The following RGS6 variants were observed in gnomAD, a reference collection of about 807,000 sequenced individuals.
The protein encoded by RGS6 is regulator of G protein signaling 6.
A neutral mutation model predicts 78.5 loss-of-function variants in RGS6; 30 were observed. The ratio of observed to expected loss-of-function variants is 0.38; its 90% CI spans 0.29 to 0.52. The LOEUF is 0.52. Ranked by LOEUF, RGS6 falls within the 20% of genes least tolerant of loss-of-function variation. The pLI, the probability that RGS6 is intolerant of heterozygous loss-of-function variation, is 0.85. For synonymous variants in RGS6, 206 were observed against 206.0 expected (o/e 1.00, Z 0.00); for missense variants, 495 against 609.7 (o/e 0.81, Z 1.98).
rs571712187 is a variant in RGS6, at chr14:72,398,989, G to A, written c.184+46795G>A. Among the ~76,000 whole-genome samples the A allele has an allele frequency of 2.9e-3, 441 of 151,952 alleles. 6 individuals carry two copies. Among genetic ancestry groups the A allele is most frequent in the African/African-American group, 9.8e-3 (407 of 41,354 alleles). On this transcript the variant is annotated intron_variant, in intron 3 of 17. Transcript: ENST00000553525. ...ACTTCCAACTATGTGGTCAATTTTG[G>A]AATAGGTGTGGTGTGGTGCTGAAAA...
At chr14:72,373,612 G>A (rs1299604219) in intron 3 of RGS6, among the ~76,000 whole-genome samples, 1 of 152,196 alleles carries the variant, frequency 6.6e-6, no homozygotes, top group East Asian at 1.9e-4. Flanking sequence ...CTCCTGAAGA[G>A]CAATACGATT....
At chr14:72,036,604 T>A (rs1246340825) in intron 2 of RGS6, among the ~76,000 whole-genome samples, 1 of 152,178 alleles carries the variant, frequency 6.6e-6, no homozygotes, top group African/African-American at 2.4e-5. Context: ...TGTGCTTATT[T>A]GCCGACCCTA....
chr14:72,477,194 G>A (rs531837750), intron 11 of RGS6: 33 of 202,118 alleles, frequency 1.6e-4, no homozygotes, highest in African/African-American at 7.5e-4. Flanking sequence ...AGCTCAGGAT[G>A]GTCTACTTTA....
chr14:72,585,295 C>T, the RGS6 span, among the ~76,000 whole-genome samples: 1 of 152,192 alleles, frequency 6.6e-6, no homozygotes, highest in Non-Finnish European at 1.5e-5. Flanking sequence ...CAGTGAATGA[C>T]AACACCATCT....
intron 15 of RGS6, among the ~76,000 whole-genome samples, chr14:72,533,281 ATACTT>A (rs1797165820): frequency 6.6e-6 from 1 of 152,228 alleles, no homozygotes; most frequent in African/African-American, 2.4e-5. Flanking sequence ...GGTTTACTGA[ATACTT>A]TAAGGCCACT....
intron 1 of RGS6, among the ~76,000 whole-genome samples, chr14:71,937,733 G>A (rs943974272): frequency 1.3e-5 from 2 of 152,232 alleles, no homozygotes; most frequent in Admixed American, 6.5e-5. Flanking sequence ...TCCACAGATG[G>A]TAGTCTTGGC....
chr14:72,469,773 G>T, intron 7 of RGS6: 1 of 403,778 alleles, frequency 2.5e-6, no homozygotes, highest in Non-Finnish European at 4.4e-6. Context: ...GAGGAATCAG[G>T]TGAACCATAG....
At chr14:72,252,618 C>T (rs773204136) in intron 2 of RGS6, among the ~76,000 whole-genome samples, 2 of 152,098 alleles carry the variant, frequency 1.3e-5, no homozygotes, top group Non-Finnish European at 2.9e-5. Context: ...CTCAAAATTA[C>T]CTCTAGAAAT....
chr14:72,271,413 A>G (rs1318609686), intron 2 of RGS6, among the ~76,000 whole-genome samples: 1 of 152,064 alleles, frequency 6.6e-6, no homozygotes, highest in Non-Finnish European at 1.5e-5. Flanking sequence ...CACCCCCATG[A>G]TTAACTTACC....
At chr14:72,191,154 A>T (rs1385527489) in intron 2 of RGS6, among the ~76,000 whole-genome samples, 1 of 152,212 alleles carries the variant, frequency 6.6e-6, no homozygotes, top group Non-Finnish European at 1.5e-5. Flanking sequence ...GCTTCCCAAG[A>T]GTGTTAGAAT....
At position 72,495,269 on chromosome 14, in the gene RGS6, A is replaced by T. The variant is rs1416790085; in HGVS notation, c.965+7A>T. 6.3e-7 allele frequency: 1 copy of T among 1,582,390 alleles called. No individual in the cohort carries two copies. Among genetic ancestry groups the T allele is most frequent in the South Asian group, 1.1e-5 (1 of 90,386 alleles). ...TGTGGGACATAGAGATGAGGTAAAA[A>T]ATGTTTTAAGGTTTGGGAGTGGGAT... On this transcript the variant is annotated splice_region_variant and intron_variant, in intron 13 of 17. Coordinates refer to ENST00000553525, the MANE Select transcript of RGS6 (RefSeq NM_001204424.2).
chr14:72,232,642 G>A (rs1437082698), intron 2 of RGS6, among the ~76,000 whole-genome samples: 9 of 152,178 alleles, frequency 5.9e-5, no homozygotes, highest in Admixed American at 3.9e-4. Context: ...CAATGGAGAG[G>A]CGGATCTGGC....
At chr14:71,896,244 A>G in the RGS6 span, among the ~76,000 whole-genome samples, 1 of 152,120 alleles carries the variant, frequency 6.6e-6, no homozygotes, top group South Asian at 2.1e-4. Flanking sequence ...AAAGGAATAA[A>G]AGAATGGCTA....
chr14:72,483,978 A>AT (rs1048415405), intron 12 of RGS6, among the ~76,000 whole-genome samples: 1 of 151,702 alleles, frequency 6.6e-6, no homozygotes, highest in Non-Finnish European at 1.5e-5. Flanking sequence ...GAAAAAAAAA[A>AT]AGCTAGATTA....
chr14:72,563,291 C>G lies in RGS6; in HGVS notation c.*824C>G, dbSNP rs1405773315. 4 of 158,586 alleles carry G rather than the reference C, an allele frequency of 2.5e-5. No individual in the cohort carries two copies. The highest frequency in any genetic ancestry group is 5.6e-5 in the Non-Finnish European group (4 of 71,472). 9.8% of individuals were successfully genotyped at this position (158,586 alleles called of 1,614,324 possible). On this transcript the variant is annotated 3_prime_UTR_variant, in exon 18 of 18. Transcript: ENST00000553525. ...AATTTATTCTGGCTTTGCCCCCTTGCTCCTTGGTTTATTCCCTCATGTTTT... is the reference window on the plus strand; with the variant it reads ...AATTTATTCTGGCTTTGCCCCCTTGGTCCTTGGTTTATTCCCTCATGTTTT...
intron 2 of RGS6, among the ~76,000 whole-genome samples, chr14:72,234,321 T>G (rs2050424834): frequency 1.3e-5 from 2 of 151,410 alleles, no homozygotes; most frequent in Non-Finnish European, 2.9e-5. Context: ...TAACCAGAGG[T>G]GAATGAAGAC....
At chr14:72,025,779 C>A (rs892795473) in intron 2 of RGS6, among the ~76,000 whole-genome samples, 45 of 152,096 alleles carry the variant, frequency 3.0e-4, no homozygotes, top group African/African-American at 9.6e-4. Context: ...ATCATTCTTC[C>A]CCCTTTCTTT....
At chr14:71,952,836 C>T (rs544989835) in intron 1 of RGS6, among the ~76,000 whole-genome samples, 10 of 151,662 alleles carry the variant, frequency 6.6e-5, no homozygotes, top group African/African-American at 2.4e-4. Flanking sequence ...AGAAAGAAAA[C>T]AATGAAATCC....
intron 13 of RGS6, among the ~76,000 whole-genome samples, chr14:72,506,984 TAAAAAAAAAA>T (rs71109738): frequency 0.015 from 791 of 54,318 alleles, 9 homozygotes; most frequent in Non-Finnish European, 0.018. Context: ...CTGTCTCTAC[TAAAAAAAAAA>T]AAAAAAAAAA....
Sources: gnomAD v4.1 joint callset for allele counts (sites outside exome capture counted in the v4.1 genomes callset) on GRCh38, gnomAD v4.1.1 for gene constraint, MANE v1.5 for transcripts, NCBI Gene and HGNC (gene_info 2026-07-23, HGNC 2026-07-21) for gene names.